CALD1: variants seen among roughly 807,000 people sequenced by gnomAD.
CALD1 encodes the protein caldesmon 1.
Under a neutral mutation model 99.9 loss-of-function variants are expected in CALD1, and 33 were observed. That is an observed-to-expected ratio of 0.33 (90% CI 0.25 to 0.44). CALD1 has a LOEUF of 0.44. Ranked by LOEUF, CALD1 falls within the 20% of genes least tolerant of loss-of-function variation. The probability of loss-of-function intolerance (pLI) is 1.00; values close to 1 mark genes in which losing one functional copy is unlikely to be tolerated. For missense variants in CALD1, 861 were observed against 962.1 expected, an observed-to-expected ratio of 0.89 and a Z score of 1.39; for synonymous variants, 310 against 325.0, an observed-to-expected ratio of 0.95 and a Z score of 0.50.
intron 13 of CALD1, chr7:134,961,023 A>C (rs1808221955): frequency 6.4e-6 from 1 of 155,254 alleles, no homozygotes; most frequent in African/African-American, 2.4e-5. Context: ...TTCCCAAAAG[A>C]ATATGTATGT....
chr7:134,878,980 A>G (rs1008229243), intron 3 of CALD1, among the ~76,000 whole-genome samples: 2 of 152,142 alleles, frequency 1.3e-5, no homozygotes, highest in African/African-American at 4.8e-5. Context: ...GTCTCAAAAA[A>G]AAAAAGATGT....
At chr7:134,822,784 AT>A (rs1418068397) in intron 1 of CALD1, among the ~76,000 whole-genome samples, 1 of 152,196 alleles carries the variant, frequency 6.6e-6, no homozygotes, top group Non-Finnish European at 1.5e-5. Flanking sequence ...TATGGTTTTC[AT>A]TCATTGCATT....
intron 1 of CALD1, among the ~76,000 whole-genome samples, chr7:134,765,179 G>C (rs549364737): frequency 6.6e-6 from 1 of 152,068 alleles, no homozygotes; most frequent in Admixed American, 6.5e-5. Flanking sequence ...GCCGAGTGTG[G>C]TGGTGCACGC....
At chr7:134,757,349 C>T (rs11769399) in intron 1 of CALD1, among the ~76,000 whole-genome samples, 62,305 of 151,948 alleles carry the variant, frequency 0.41, 13,848 homozygotes, top group East Asian at 0.72. Context: ...CCATTCTCTA[C>T]GTTTCTCTAT....
At chr7:134,751,564 C>T (rs1486047853) in intron 1 of CALD1, among the ~76,000 whole-genome samples, 1 of 152,208 alleles carries the variant, frequency 6.6e-6, no homozygotes, top group Non-Finnish European at 1.5e-5. Context: ...TACCTAGAAC[C>T]ATGGCTTTGT....
chr7:134,810,839 T>C (rs976962220), intron 1 of CALD1, among the ~76,000 whole-genome samples: 8 of 152,200 alleles, frequency 5.3e-5, no homozygotes, highest in African/African-American at 1.9e-4. Flanking sequence ...TCCTGGGCCA[T>C]GGAGGAATGG....
chr7:134,805,602 A>G (rs73149980), intron 1 of CALD1, among the ~76,000 whole-genome samples: 40,001 of 151,992 alleles, frequency 0.26, 6,854 homozygotes, highest in East Asian at 0.65. Flanking sequence ...CTTCCCTCAG[A>G]ATCCTGGTGA....
intron 1 of CALD1, among the ~76,000 whole-genome samples, chr7:134,819,787 G>C (rs934486188): frequency 1.3e-5 from 2 of 152,162 alleles, no homozygotes; most frequent in Non-Finnish European, 2.9e-5. Flanking sequence ...GAGGCAGGAG[G>C]AATGCTTGAG....
intron 1 of CALD1, among the ~76,000 whole-genome samples, chr7:134,748,776 T>C (rs1319107588): frequency 7.4e-6 from 1 of 134,974 alleles, no homozygotes. Flanking sequence ...AAGGGTGAAA[T>C]TCTATGGTCT....
chr7:134,875,905 G>A (rs1253854968), intron 3 of CALD1, among the ~76,000 whole-genome samples: 1 of 152,184 alleles, frequency 6.6e-6, no homozygotes. Context: ...CCTGCTTAAG[G>A]CAAAGAAGGC....
the CALD1 span, among the ~76,000 whole-genome samples, chr7:134,712,597 G>A: frequency 9.9e-5 from 15 of 152,216 alleles, no homozygotes; most frequent in Non-Finnish European, 2.2e-4. Flanking sequence ...AGACACTAAA[G>A]ATGGTGGGTT....
At chr7:134,958,042 G>A in intron 9 of CALD1, 27 bp from the exon 10 acceptor site, 1 of 1,526,582 alleles carries the variant, frequency 6.6e-7, no homozygotes, top group Non-Finnish European at 9.1e-7. Flanking sequence ...AATATTAATT[G>A]GGTTTATTTT....
intron 1 of CALD1, among the ~76,000 whole-genome samples, chr7:134,780,866 A>G (rs1377296): frequency 6.6e-6 from 1 of 152,184 alleles, no homozygotes; most frequent in Non-Finnish European, 1.5e-5. Flanking sequence ...TAGATGCTAT[A>G]TGGCAAGCAG....
chr7:134,769,324 T>C (rs1796856999), intron 1 of CALD1, among the ~76,000 whole-genome samples: 1 of 152,180 alleles, frequency 6.6e-6, no homozygotes, highest in African/African-American at 2.4e-5. Flanking sequence ...TCACTAGATA[T>C]TGTCAAATCA....
chr7:134,767,860 C>A (rs984465804), intron 1 of CALD1, among the ~76,000 whole-genome samples: 6 of 152,202 alleles, frequency 3.9e-5, no homozygotes, highest in Admixed American at 2.0e-4. Flanking sequence ...AGGACAGAAC[C>A]TAACACTAAG....
chr7:134,720,281 C>A, the CALD1 span, among the ~76,000 whole-genome samples: 1 of 151,536 alleles, frequency 6.6e-6, no homozygotes, highest in Non-Finnish European at 1.5e-5. Context: ...TGAATGGGCC[C>A]CTTGTTCTGA....
At chr7:134,751,568 G>T (rs990692184) in intron 1 of CALD1, among the ~76,000 whole-genome samples, 1 of 152,050 alleles carries the variant, frequency 6.6e-6, no homozygotes, top group Non-Finnish European at 1.5e-5. Flanking sequence ...TAGAACCATG[G>T]CTTTGTCTCA....
chr7:134,740,946 G>A (rs1300297279), upstream of CALD1, among the ~76,000 whole-genome samples: 1 of 152,168 alleles, frequency 6.6e-6, no homozygotes, highest in Non-Finnish European at 1.5e-5. Flanking sequence ...AATCTTCACA[G>A]CAATTCTATG....
intron 1 of CALD1, chr7:134,821,892 A>G (rs1167541709): frequency 6.6e-6 from 1 of 152,122 alleles, no homozygotes; most frequent in Non-Finnish European, 1.5e-5. Flanking sequence ...AGAGTCAACA[A>G]CATTTTAATA....
Sources: gnomAD v4.1 joint callset for allele counts (sites outside exome capture counted in the v4.1 genomes callset) on GRCh38, gnomAD v4.1.1 for gene constraint, MANE v1.5 for transcripts, NCBI Gene and HGNC (gene_info 2026-07-23, HGNC 2026-07-21) for gene names.